TMEM108: variants seen among roughly 807,000 people sequenced by gnomAD.
The protein encoded by TMEM108 is transmembrane protein 108.
Under a neutral mutation model 35.1 loss-of-function variants are expected in TMEM108, and 12 were observed. That is an observed-to-expected ratio of 0.34 (90% CI 0.22 to 0.55). The LOEUF (loss-of-function observed/expected upper bound fraction) is 0.55. TMEM108 is among the 20% of genes least tolerant of loss of function. TMEM108 has a pLI of 0.89. For missense variants in TMEM108, 680 were observed against 753.3 expected (o/e 0.90, Z 1.14); for synonymous variants, 287 against 308.6 (o/e 0.93, Z 0.73).
chr3:133,229,377 T>A (rs1946118353), intron 3 of TMEM108, 26 bp downstream of exon 3: 1 of 1,608,594 alleles, frequency 6.2e-7, no homozygotes, highest in Non-Finnish European at 8.5e-7. Context: ...ATTTCTTCTT[T>A]CCTAAAATAT....
chr3:133,062,682 A>T lies in TMEM108; in HGVS notation c.-47+16662A>T, dbSNP rs1943549856. Among the ~76,000 whole-genome samples the T allele has an allele frequency of 4.6e-5, 7 of 152,224 alleles. No homozygotes were observed. In the South Asian group the frequency reaches 1.4e-3, roughly 32 times the overall value. On this transcript the variant is annotated intron_variant, in intron 2 of 5. Transcript: ENST00000321871. ...TTAATGTCAGTTCATTTCCACAAAG[A>T]TTTATCAAGCTTCTGTGGATTCAAG...
At position 133,213,104 on chromosome 3, in the gene TMEM108, G is replaced by A. The variant is rs553275262; in HGVS notation, c.-46-16162G>A. Among the ~76,000 whole-genome samples the A allele has an allele frequency of 4.6e-5, 7 of 152,212 alleles. No homozygotes were observed. The South Asian group carries it at 1.2e-3, about 27-fold the overall frequency. On this transcript the variant is annotated intron_variant, in intron 2 of 5. Transcript: ENST00000321871. ...AGACATTCATATTTGCCTACCTGTT[G>A]CTCATGGAACAAGATGCTCAGGCCC... is the stretch of plus-strand genomic sequence containing the variant.
chr3:133,094,385 C>T (rs538881719), intron 2 of TMEM108, among the ~76,000 whole-genome samples: 2 of 152,038 alleles, frequency 1.3e-5, no homozygotes, highest in South Asian at 4.2e-4. Flanking sequence ...TTAGCAAATC[C>T]CTCTGTTTTC....
intron 3 of TMEM108, 129 bp downstream of exon 3, chr3:133,229,480 G>C (rs1007351784): frequency 1.5e-6 from 1 of 685,046 alleles, no homozygotes; most frequent in South Asian, 2.3e-5. Flanking sequence ...GTTTCACTCT[G>C]CTTCATCTAG....
chr3:133,395,530 G>A (rs2073292745), intron 5 of TMEM108, among the ~76,000 whole-genome samples: 1 of 152,186 alleles, frequency 6.6e-6, no homozygotes, highest in South Asian at 2.1e-4. Flanking sequence ...GTCATGCATG[G>A]CAAGTCCCCT....
intron 3 of TMEM108, among the ~76,000 whole-genome samples, chr3:133,237,797 A>T (rs1288615422): frequency 1.3e-5 from 2 of 152,210 alleles, no homozygotes; most frequent in East Asian, 3.9e-4. Context: ...TTTTTGTGTT[A>T]GCAAATGCTT....
intron 3 of TMEM108, among the ~76,000 whole-genome samples, chr3:133,270,943 A>G (rs1946763169): frequency 6.6e-6 from 1 of 152,074 alleles, no homozygotes; most frequent in Admixed American, 6.5e-5. Flanking sequence ...GGGCAGAGGG[A>G]TTGCTAATGA....
At chr3:133,128,365 G>A (rs540244735) in intron 2 of TMEM108, among the ~76,000 whole-genome samples, 1 of 152,272 alleles carries the variant, frequency 6.6e-6, no homozygotes, top group South Asian at 2.1e-4. Context: ...AAGAAAGTTA[G>A]CTTGGAAATT....
chr3:133,314,298 A>G (rs759102570), intron 3 of TMEM108, among the ~76,000 whole-genome samples: 4 of 152,218 alleles, frequency 2.6e-5, no homozygotes, highest in Non-Finnish European at 5.9e-5. Flanking sequence ...TCTCATCAGT[A>G]TCTCTCATCC....
intron 2 of TMEM108, among the ~76,000 whole-genome samples, chr3:133,087,667 C>T (rs1244568655): frequency 2.0e-5 from 3 of 152,170 alleles, no homozygotes; most frequent in East Asian, 3.9e-4. Context: ...CCTTCTTGGG[C>T]TCCCTGGCGT....
In TMEM108 at chr3:133,381,074, A is replaced by C; in HGVS notation, c.1363A>C (p.Lys455Gln). Residue 455 changes from lysine (K) to glutamine (Q), a missense_variant, in exon 4 of 6, where the codon AAA becomes CAA. Transcript: ENST00000321871. ...CATCTCCCATGTGGCCGAGGGGGAC[A>C]AACCGCAGCACAGAGCCACCATCTG... is the stretch of plus-strand genomic sequence containing the variant. ...GNISHVAEGD[K>Q]PQHRATICLS... 6.2e-7 allele frequency: 1 copy of C among 1,614,212 alleles called. No individual in the cohort carries two copies. Among genetic ancestry groups the C allele is most frequent in the Non-Finnish European group, 8.5e-7 (1 of 1,180,044 alleles).
intron 3 of TMEM108, among the ~76,000 whole-genome samples, chr3:133,297,567 C>T (rs1947163680): frequency 6.6e-6 from 1 of 152,136 alleles, no homozygotes; most frequent in African/African-American, 2.4e-5. Context: ...ATGCAGAATC[C>T]TGGGCCCCAC....
chr3:133,118,149 C>T (rs1460538615), intron 2 of TMEM108, among the ~76,000 whole-genome samples: 4 of 152,166 alleles, frequency 2.6e-5, no homozygotes, highest in African/African-American at 7.2e-5. Flanking sequence ...AAAGTACTTA[C>T]GCTAGGTTCT....
At chr3:133,122,676 A>T (rs140758194) in intron 2 of TMEM108, among the ~76,000 whole-genome samples, 1,727 of 152,186 alleles carry the variant, frequency 0.011, 8 homozygotes, top group Non-Finnish European at 0.018. Flanking sequence ...GTCCTGGCTA[A>T]CACAGTGAAA....
At chr3:133,265,449 A>G (rs1020747044) in intron 3 of TMEM108, among the ~76,000 whole-genome samples, 7 of 152,218 alleles carry the variant, frequency 4.6e-5, no homozygotes, top group African/African-American at 1.7e-4. Context: ...TGCAGATAAA[A>G]TATAACTATC....
At chr3:133,066,872 T>C (rs61500551) in intron 2 of TMEM108, among the ~76,000 whole-genome samples, 10,821 of 152,248 alleles carry the variant, frequency 0.071, 1,321 homozygotes, top group African/African-American at 0.24. Context: ...ACTTTTGTTA[T>C]ATTTTAACAT....
At chr3:133,286,508 T>A (rs1187475398) in intron 3 of TMEM108, among the ~76,000 whole-genome samples, 1 of 151,562 alleles carries the variant, frequency 6.6e-6, no homozygotes, top group African/African-American at 2.4e-5. Flanking sequence ...TAATTAAAAA[T>A]TTTTTTTTGT....
chr3:133,154,275 C>T (rs1944844341), intron 2 of TMEM108, among the ~76,000 whole-genome samples: 1 of 151,950 alleles, frequency 6.6e-6, no homozygotes, highest in Non-Finnish European at 1.5e-5. Context: ...TTTTGCTGTG[C>T]AGAAGCTCTT....
chr3:133,052,902 T>C (rs1943424061), intron 2 of TMEM108, among the ~76,000 whole-genome samples: 1 of 152,140 alleles, frequency 6.6e-6, no homozygotes. Flanking sequence ...ACCCTCTGAT[T>C]GAGAATCACT....
Sources: allele counts gnomAD v4.1 joint callset (sites outside exome capture counted in the v4.1 genomes callset), GRCh38; gene constraint gnomAD v4.1.1; transcripts MANE v1.5; gene names NCBI Gene and HGNC (gene_info 2026-07-23, HGNC 2026-07-21).